DMD: variants seen among roughly 807,000 people sequenced by gnomAD.
DMD encodes dystrophin.
Under a neutral mutation model 330.1 loss-of-function variants are expected in DMD, and 63 were observed. The ratio of observed to expected loss-of-function variants is 0.19; its 90% CI spans 0.16 to 0.24. The LOEUF (loss-of-function observed/expected upper bound fraction) is 0.24. DMD is among the 10% of genes least tolerant of loss of function. The probability of loss-of-function intolerance (pLI) is 1.00; values close to 1 mark genes in which losing one functional copy is unlikely to be tolerated. For synonymous variants in DMD, 1,223 were observed against 959.8 expected, an observed-to-expected ratio of 1.27 and a Z score of -5.07; for missense variants, 3,344 against 2,684.1, an observed-to-expected ratio of 1.25 and a Z score of -5.43.
intron 6 of DMD, among the ~76,000 whole-genome samples, chrX:32,809,943 A>AAAAAG (rs2077242116): frequency 7.1e-5 from 6 of 83,978 alleles, no homozygotes; most frequent in African/African-American, 1.9e-4. Flanking sequence ...AAAAAAAAAA[A>AAAAAG]AAAGAAAGAA....
intron 4 of DMD, among the ~76,000 whole-genome samples, chrX:32,841,955 T>C (rs1437222169): frequency 8.9e-6 from 1 of 112,299 alleles, no homozygotes; most frequent in African/African-American, 3.2e-5. Flanking sequence ...ATCCAGAATA[T>C]AGCAATAACT....
chrX:32,355,574 T>C (rs377034669), intron 37 of DMD, among the ~76,000 whole-genome samples: 35 of 111,954 alleles, frequency 3.1e-4, no homozygotes, highest in South Asian at 2.6e-3. Flanking sequence ...ACTTTAAAAA[T>C]ATTTTACATG....
At chrX:31,456,804 C>T (rs767729378) in intron 59 of DMD, among the ~76,000 whole-genome samples, 62 of 104,934 alleles carry the variant, frequency 5.9e-4, no homozygotes, top group African/African-American at 2.0e-3. Context: ...AAAACACTTA[C>T]TTTATATCCA....
chrX:33,327,224 C>T (rs779409759), intron 1 of DMD, among the ~76,000 whole-genome samples: 84 of 111,507 alleles, frequency 7.5e-4, no homozygotes, highest in African/African-American at 2.7e-3. Context: ...ATCTACTCTG[C>T]ATGAAGCTAG....
intron 19 of DMD, among the ~76,000 whole-genome samples, chrX:32,495,160 T>C (rs1414159281): frequency 8.9e-6 from 1 of 111,978 alleles, no homozygotes; most frequent in Non-Finnish European, 1.9e-5. Flanking sequence ...TATGAAGGAT[T>C]TGTATGCAAA....
chrX:32,494,513 T>G (rs2043298678), intron 19 of DMD, among the ~76,000 whole-genome samples: 1 of 111,284 alleles, frequency 9.0e-6, no homozygotes, highest in South Asian at 3.8e-4. Context: ...TTACTTAATT[T>G]CACTGGATCT....
intron 1 of DMD, among the ~76,000 whole-genome samples, chrX:33,136,050 C>T (rs1372687343): frequency 9.0e-6 from 1 of 110,998 alleles, no homozygotes; most frequent in Non-Finnish European, 1.9e-5. Context: ...TTTGGTGGCT[C>T]ATGCCTGTAA....
chrX:31,147,291 C>A lies in DMD; in HGVS notation c.10781G>T (p.Arg3594Met). ...KQLESQLHRL[R>M]QLLEQPQAEA... ...TCTCCTCACTTGCTCCAGCAGCTGCCTTAGCCTGTGTAACTGTGACTCCAG... is the reference window on the plus strand; with the variant it reads ...TCTCCTCACTTGCTCCAGCAGCTGCATTAGCCTGTGTAACTGTGACTCCAG... The change falls in exon 75 of 79, where the codon AGG becomes ATG. Residue 3594 changes from arginine (R) to methionine (M), a missense_variant. Physicochemically the swap from Arg to Met is moderately conservative, Grantham distance 91. Coordinates refer to ENST00000357033, the MANE Select transcript of DMD (RefSeq NM_004006.3). 8.3e-7 allele frequency: 1 copy of A among 1,210,569 alleles called. No homozygotes were observed. The highest frequency in any genetic ancestry group is 1.1e-6 in the Non-Finnish European group (1 of 894,847).
chrX:31,204,536 T>G lies in DMD; in HGVS notation c.9650-418A>C, dbSNP rs144579812. ...CCAGAGATTCAAAAATGTACCACAG[T>G]TGGGACTTCTTTATGGAGTCATAAG... On this transcript the variant is annotated intron_variant, in intron 66 of 78. Transcript: ENST00000357033. 6.1e-3 allele frequency among the ~76,000 whole-genome samples: 687 copies of G among 112,468 alleles called. 3 individuals are homozygous for G. The highest frequency in any genetic ancestry group is 0.022 in the African/African-American group (669 of 30,953).
intron 50 of DMD, among the ~76,000 whole-genome samples, chrX:31,786,359 C>A (rs764843826): frequency 1.4e-4 from 16 of 111,226 alleles, no homozygotes; most frequent in African/African-American, 4.9e-4. Context: ...AATTCATAGA[C>A]CAGGTGAATT....
At chrX:32,703,770 G>T (rs2064347018) in intron 7 of DMD, among the ~76,000 whole-genome samples, 1 of 111,447 alleles carries the variant, frequency 9.0e-6, no homozygotes, top group South Asian at 3.8e-4. Context: ...AGTGACTAAA[G>T]GCAATGGTAT....
chrX:31,123,177 G>A (rs1331356429), intron 78 of DMD, among the ~76,000 whole-genome samples: 1 of 111,358 alleles, frequency 9.0e-6, no homozygotes, highest in Non-Finnish European at 1.9e-5. Context: ...GCGGATTCAC[G>A]GGCAGGCACT....
At chrX:32,253,025 C>T (rs1182558859) in intron 43 of DMD, among the ~76,000 whole-genome samples, 1 of 97,905 alleles carries the variant, frequency 1.0e-5, no homozygotes, top group Admixed American at 1.3e-4. Context: ...CTTTCCCGAT[C>T]GATTAAGTAT....
chrX:33,205,645 G>C (rs1489208230), intron 1 of DMD, among the ~76,000 whole-genome samples: 2 of 112,116 alleles, frequency 1.8e-5, no homozygotes, highest in Admixed American at 9.5e-5. Context: ...TGGAAGAAGG[G>C]AGAACGCTTT....
At chrX:31,893,695 G>A (rs1389290876) in intron 47 of DMD, among the ~76,000 whole-genome samples, 2 of 110,368 alleles carry the variant, frequency 1.8e-5, no homozygotes, top group Non-Finnish European at 3.8e-5. Context: ...GAAAGAGAGA[G>A]AGGCATGTGG....
rs147306788 is a variant in DMD at position 33,262,603 on chromosome X, C to T, written c.7+76656G>A. Among the ~76,000 whole-genome samples the T allele has an allele frequency of 5.4e-4, 60 of 110,710 alleles. 1 individual carries two copies. In the East Asian group the frequency reaches 0.015, roughly 28 times the overall value. ...GAAGAACAGAACAAAAAAAGATGCC[C>T]AGAAATACTAATGTACATACTAATC... On this transcript the variant is annotated intron_variant, in intron 1 of 17. Transcript: ENST00000288447.
intron 12 of DMD, among the ~76,000 whole-genome samples, chrX:32,603,591 C>A (rs2056414941): frequency 9.1e-6 from 1 of 109,874 alleles, no homozygotes; most frequent in African/African-American, 3.3e-5. Context: ...AAAAGATAAA[C>A]AAAATTAATA....
At chrX:31,169,861 A>G (rs2039814828) in intron 73 of DMD, among the ~76,000 whole-genome samples, 1 of 112,048 alleles carries the variant, frequency 8.9e-6, no homozygotes, top group African/African-American at 3.2e-5. Context: ...TGAAAGGCAG[A>G]ATTACAGAAA....
At chrX:31,457,869 A>G (rs2066286452) in intron 59 of DMD, among the ~76,000 whole-genome samples, 1 of 111,966 alleles carries the variant, frequency 8.9e-6, no homozygotes, top group Admixed American at 9.5e-5. Flanking sequence ...TGAACCAAAG[A>G]TTAATACAAA....
Sources: allele counts gnomAD v4.1 joint callset (sites outside exome capture counted in the v4.1 genomes callset), GRCh38; gene constraint gnomAD v4.1.1; transcripts MANE v1.5; gene names NCBI Gene and HGNC (gene_info 2026-07-23, HGNC 2026-07-21).